Variants in PBX1 observed in about 807,000 individuals in gnomAD.
The protein encoded by PBX1 is PBX homeobox 1.
A neutral mutation model predicts 53.4 loss-of-function variants in PBX1; 6 were observed. The ratio of observed to expected loss-of-function variants is 0.11; its 90% confidence interval spans 0.06 to 0.22. The LOEUF is 0.22. PBX1 is among the 10% of genes least tolerant of loss of function. PBX1 has a pLI of 1.00. For synonymous variants in PBX1, 204 were observed against 212.3 expected (o/e 0.96, Z 0.34); for missense variants, 251 against 551.4 (o/e 0.46, Z 5.46).
intron 2 of PBX1, among the ~76,000 whole-genome samples, chr1:164,662,359 T>C (rs936737404): frequency 1.3e-5 from 2 of 152,150 alleles, no homozygotes; most frequent in African/African-American, 4.8e-5. Context: ...TAGTCTGTTT[T>C]TGGAAATTTC....
chr1:164,572,406 T>C (rs1198943985), intron 2 of PBX1, among the ~76,000 whole-genome samples: 3 of 152,206 alleles, frequency 2.0e-5, no homozygotes, highest in Non-Finnish European at 4.4e-5. Context: ...GATAAATTTA[T>C]TTGACTTGAA....
At chr1:164,581,368 C>T (rs1191763124) in intron 2 of PBX1, among the ~76,000 whole-genome samples, 1 of 151,780 alleles carries the variant, frequency 6.6e-6, no homozygotes, top group Non-Finnish European at 1.5e-5. Flanking sequence ...GCTGGGATTA[C>T]AGGCACGGGC....
At chr1:164,773,629 C>A (rs1172753340) in intron 2 of PBX1, among the ~76,000 whole-genome samples, 1 of 152,108 alleles carries the variant, frequency 6.6e-6, no homozygotes, top group African/African-American at 2.4e-5. Flanking sequence ...TAGGTTGGGA[C>A]TGGTAGGACG....
intron 2 of PBX1, among the ~76,000 whole-genome samples, chr1:164,570,176 G>A (rs894303749): frequency 9.2e-5 from 14 of 152,186 alleles, no homozygotes; most frequent in African/African-American, 2.9e-4. Flanking sequence ...AGTAGCACAA[G>A]TGAGTTTAGG....
intron 2 of PBX1, among the ~76,000 whole-genome samples, chr1:164,599,359 A>AC (rs1169581482): frequency 3.3e-5 from 5 of 150,958 alleles, no homozygotes; most frequent in Admixed American, 3.3e-4. Flanking sequence ...GCTCAGCCAC[A>AC]CCCCCCTCCA....
chr1:164,584,355 G>A lies in PBX1; in HGVS notation c.265+21044G>A, dbSNP rs573416455. Among the ~76,000 whole-genome samples, 3 of 150,924 alleles carry A rather than the reference G, an allele frequency of 2.0e-5. No homozygotes were observed. In the South Asian group the frequency reaches 6.3e-4, roughly 32 times the overall value. ...AGTCTCTAGGAAGGAGGGAGGGAGA[G>A]AGAGAGAAAGAGAGAGAGAGAGAGA... is the stretch of plus-strand genomic sequence containing the variant. On this transcript the variant is annotated intron_variant, in intron 2 of 8. Transcript: ENST00000420696.
chr1:164,639,111 T>C (rs1314912206), intron 2 of PBX1, among the ~76,000 whole-genome samples: 1 of 152,204 alleles, frequency 6.6e-6, no homozygotes, highest in Non-Finnish European at 1.5e-5. Context: ...ACCGCTCTTG[T>C]CTGTAAGGGA....
intron 8 of PBX1, among the ~76,000 whole-genome samples, chr1:164,835,013 C>G (rs1670964254): frequency 6.6e-6 from 1 of 152,130 alleles, no homozygotes. Context: ...TGCTCGTAGC[C>G]TTCTAGCACT....
chr1:164,804,712 C>A lies in PBX1; in HGVS notation c.702-2830C>A, dbSNP rs539281837. On this transcript the variant is annotated intron_variant, in intron 4 of 8. Transcript: ENST00000420696. ...ATTTGAAAGTGTAGAACTGTCAGGA[C>A]ATGCTTTGGGGGCAATCATTTGATG... is the stretch of plus-strand genomic sequence containing the variant. Among the ~76,000 whole-genome samples, 39 of 152,294 alleles carry A rather than the reference C, an allele frequency of 2.6e-4. 1 individual carries two copies. The South Asian group carries it at 8.1e-3, about 32-fold the overall frequency.
intron 2 of PBX1, among the ~76,000 whole-genome samples, chr1:164,688,429 C>T (rs768464090): frequency 2.6e-5 from 4 of 152,050 alleles, no homozygotes; most frequent in Non-Finnish European, 4.4e-5. Flanking sequence ...TGGAACCATA[C>T]CTGAAAAATA....
At chr1:164,817,376 G>A (rs1669923339) in intron 6 of PBX1, 1 of 152,150 alleles carries the variant, frequency 6.6e-6, no homozygotes. Flanking sequence ...TCCTCCCCTT[G>A]TAGTTCAGAT....
intron 2 of PBX1, among the ~76,000 whole-genome samples, chr1:164,702,575 C>G (rs1312898061): frequency 6.6e-6 from 1 of 152,136 alleles, no homozygotes; most frequent in Non-Finnish European, 1.5e-5. Flanking sequence ...CACCCTACCC[C>G]CATGAACAGG....
chr1:164,691,011 C>CTTTTTTTTT (rs386368555), intron 2 of PBX1, among the ~76,000 whole-genome samples: 2 of 106,480 alleles, frequency 1.9e-5, no homozygotes, highest in African/African-American at 3.5e-5. Context: ...GTTGTTAAAT[C>CTTTTTTTTT]TTTTTTTTTT....
chr1:164,601,111 C>T (rs560230202), intron 2 of PBX1, among the ~76,000 whole-genome samples: 6 of 151,650 alleles, frequency 4.0e-5, no homozygotes, highest in South Asian at 2.1e-4. Flanking sequence ...TGGCGGTGGG[C>T]GCCTGTAGTC....
In PBX1 at chr1:164,715,834, C is replaced by G. The variant is rs145730809; in HGVS notation, c.266-76660C>G. The stretch of plus-strand genomic sequence containing the variant: ...TAAATTCTACCAGTTCCTTAAAAAT[C>G]TGTATCTTTGGGTCTATAACTCGCA... On this transcript the variant is annotated intron_variant, in intron 2 of 8. Transcript: ENST00000420696. Among the ~76,000 whole-genome samples the G allele has an allele frequency of 1.2e-4, 19 of 152,296 alleles. No individual in the cohort carries two copies. In the East Asian group the frequency reaches 2.5e-3, roughly 20 times the overall value.
intron 2 of PBX1, among the ~76,000 whole-genome samples, chr1:164,767,037 T>G (rs556156286): frequency 6.6e-6 from 1 of 151,884 alleles, no homozygotes; most frequent in African/African-American, 2.4e-5. Flanking sequence ...TTTTTTTCTT[T>G]GCAACCTATA....
intron 2 of PBX1, among the ~76,000 whole-genome samples, chr1:164,785,653 G>A (rs375178151): frequency 2.0e-5 from 3 of 152,282 alleles, no homozygotes; most frequent in East Asian, 1.9e-4. Context: ...TCTTGAAGTC[G>A]GAGCCCATAT....
At chr1:164,632,578 G>C (rs1217184251) in intron 2 of PBX1, among the ~76,000 whole-genome samples, 1 of 152,166 alleles carries the variant, frequency 6.6e-6, no homozygotes, top group Non-Finnish European at 1.5e-5. Flanking sequence ...TGTACTCTTA[G>C]TGTAGAACAT....
intron 8 of PBX1, among the ~76,000 whole-genome samples, chr1:164,837,036 A>C (rs1374358132): frequency 6.6e-6 from 1 of 152,116 alleles, no homozygotes; most frequent in Non-Finnish European, 1.5e-5. Flanking sequence ...TGGTCTGATA[A>C]TCTGGGGTAA....
Sources: gnomAD v4.1 joint callset for allele counts (sites outside exome capture counted in the v4.1 genomes callset) on GRCh38, gnomAD v4.1.1 for gene constraint, MANE v1.5 for transcripts, NCBI Gene and HGNC (gene_info 2026-07-23, HGNC 2026-07-21) for gene names.